Variants in EVL observed in about 807,000 individuals in gnomAD.
EVL encodes Enah/Vasp-like.
EVL carries 21 observed loss-of-function variants against 59.6 expected under a neutral mutation model. The ratio of observed to expected loss-of-function variants is 0.35; its 90% confidence interval spans 0.25 to 0.51. The LOEUF (loss-of-function observed/expected upper bound fraction) is 0.51, where lower values mean the gene tolerates loss of function less well. Ranked by LOEUF, EVL falls within the 20% of genes least tolerant of loss-of-function variation. The pLI, the probability that EVL is intolerant of heterozygous loss-of-function variation, is 0.97. For synonymous variants in EVL, 198 were observed against 203.5 expected, an observed-to-expected ratio of 0.97 and a Z score of 0.23; for missense variants, 462 against 546.6, an observed-to-expected ratio of 0.85 and a Z score of 1.54.
chr14:100,138,604 T>TGGG (rs1249293141), intron 11 of EVL: 1 of 152,590 alleles, frequency 6.6e-6, no homozygotes, highest in South Asian at 2.1e-4. Context: ...GCAGTGCAGG[T>TGGG]GGACAGAGAT....
chr14:100,028,129 TG>T (rs1410716463), intron 1 of EVL, among the ~76,000 whole-genome samples: 1 of 104,484 alleles, frequency 9.6e-6, no homozygotes, highest in South Asian at 2.5e-4. Context: ...TTTTTTTGTT[TG>T]TTTGTTTTTT....
At chr14:100,092,288 A>G (rs768337492) in intron 2 of EVL, among the ~76,000 whole-genome samples, 4 of 152,194 alleles carry the variant, frequency 2.6e-5, no homozygotes, top group Non-Finnish European at 5.9e-5. Context: ...AGTTTTTCTT[A>G]TATCCTTACA....
chr14:100,045,528 A>G (rs1170953753), intron 1 of EVL, among the ~76,000 whole-genome samples: 1 of 152,144 alleles, frequency 6.6e-6, no homozygotes, highest in East Asian at 1.9e-4. Context: ...TTTGCAAAGC[A>G]CTTCTCATAT....
intron 7 of EVL, among the ~76,000 whole-genome samples, chr14:100,131,988 C>T (rs1888464621): frequency 6.6e-6 from 1 of 152,110 alleles, no homozygotes; most frequent in Non-Finnish European, 1.5e-5. Flanking sequence ...CAGACCAGCT[C>T]CATGCTTGAT....
intron 2 of EVL, among the ~76,000 whole-genome samples, chr14:100,094,454 G>A (rs921718840): frequency 6.6e-6 from 1 of 152,052 alleles, no homozygotes; most frequent in African/African-American, 2.4e-5. Context: ...AAATCATAGG[G>A]TTCTAGGCCA....
chr14:99,973,284 T>G (rs955130191), intron 1 of EVL, among the ~76,000 whole-genome samples: 1 of 152,256 alleles, frequency 6.6e-6, no homozygotes, highest in African/African-American at 2.4e-5. Flanking sequence ...CACCTCCTTC[T>G]CAACACTTGG....
At chr14:100,049,592 T>G (rs529306926) in intron 1 of EVL, among the ~76,000 whole-genome samples, 1 of 152,330 alleles carries the variant, frequency 6.6e-6, no homozygotes, top group African/African-American at 2.4e-5. Flanking sequence ...TTGGAAGCAT[T>G]TATATTTTCA....
intron 1 of EVL, among the ~76,000 whole-genome samples, chr14:100,078,928 T>G (rs775250430): frequency 4.6e-5 from 7 of 152,080 alleles, no homozygotes; most frequent in Non-Finnish European, 8.8e-5. Flanking sequence ...GTCTGAGCAT[T>G]AAGGCTGAGC....
chr14:100,084,816 C>T lies in EVL; in HGVS notation c.141C>T (p.Asn47=). 6.2e-7 allele frequency: 1 copy of T among 1,614,212 alleles called. No individual in the cohort carries two copies. The highest frequency in any genetic ancestry group is 8.5e-7 in the Non-Finnish European group (1 of 1,180,038). ...ACATCTACCACAACACTGCCAGCAA[C>T]ACCTTCAGAGTCGTTGGAGTCAAGT... ...RINIYHNTAS[N]TFRVVGVKLQ... The change falls in exon 2 of 14, where the codon AAC becomes AAT. Residue 47 remains asparagine (N), a synonymous_variant. Transcript: ENST00000392920.
intron 4 of EVL, 71 bp downstream of exon 4, chr14:100,123,673 CG>C (rs1469592882): frequency 6.6e-7 from 1 of 1,525,958 alleles, no homozygotes; most frequent in African/African-American, 1.4e-5. Flanking sequence ...GTGCCTTCAG[CG>C]GGTGAGGATG....
chr14:100,044,637 C>T (rs2061520901), intron 1 of EVL, among the ~76,000 whole-genome samples: 1 of 152,110 alleles, frequency 6.6e-6, no homozygotes, highest in Non-Finnish European at 1.5e-5. Flanking sequence ...ACAGGCAGAC[C>T]TGGGGTATGT....
intron 8 of EVL, chr14:100,135,314 G>A (rs1888709013): frequency 6.6e-6 from 1 of 152,364 alleles, no homozygotes; most frequent in Non-Finnish European, 1.5e-5. Flanking sequence ...GACACATCAG[G>A]TTGGGTGGCC....
intron 1 of EVL, among the ~76,000 whole-genome samples, chr14:99,993,685 C>CT (rs532512303): frequency 0.052 from 4,033 of 78,262 alleles, 194 homozygotes; most frequent in East Asian, 0.089. Flanking sequence ...TTCTTTCTTT[C>CT]TTTTTTTTTT....
chr14:100,118,261 G>A (rs752001835), intron 3 of EVL, among the ~76,000 whole-genome samples: 6 of 152,254 alleles, frequency 3.9e-5, no homozygotes, highest in Non-Finnish European at 7.4e-5. Flanking sequence ...CTCATTCTCC[G>A]TGAAGCCCAT....
At chr14:100,088,346 A>T (rs1171725548) in intron 2 of EVL, among the ~76,000 whole-genome samples, 1 of 152,194 alleles carries the variant, frequency 6.6e-6, no homozygotes, top group Non-Finnish European at 1.5e-5. Context: ...TTTTACCCAG[A>T]GGCCCCCAAA....
intron 1 of EVL, among the ~76,000 whole-genome samples, chr14:100,040,349 C>T (rs1288722002): frequency 6.6e-6 from 1 of 152,184 alleles, no homozygotes; most frequent in African/African-American, 2.4e-5. Flanking sequence ...ATCCTCTCCT[C>T]AGCTCAGATT....
intron 7 of EVL, among the ~76,000 whole-genome samples, chr14:100,131,504 A>G (rs1019727300): frequency 2.6e-5 from 4 of 152,236 alleles, no homozygotes; most frequent in African/African-American, 4.8e-5. Flanking sequence ...GAGTCTCCCA[A>G]CAGTGGAGGG....
intron 1 of EVL, among the ~76,000 whole-genome samples, chr14:100,056,428 C>T (rs1156967345): frequency 1.3e-5 from 2 of 152,054 alleles, no homozygotes; most frequent in East Asian, 1.9e-4. Context: ...TTATGGCTTA[C>T]TCTCACTTAA....
intron 4 of EVL, among the ~76,000 whole-genome samples, chr14:100,125,122 C>A (rs1179209277): frequency 2.9e-5 from 3 of 103,056 alleles, no homozygotes; most frequent in African/African-American, 4.8e-5. Flanking sequence ...CAAGGCGGGA[C>A]CACACACACA....
Sources: allele counts gnomAD v4.1 joint callset (sites outside exome capture counted in the v4.1 genomes callset), GRCh38; gene constraint gnomAD v4.1.1; transcripts MANE v1.5; gene names NCBI Gene and HGNC (gene_info 2026-07-23, HGNC 2026-07-21).